KCNIP1: variants seen among roughly 807,000 people sequenced by gnomAD.
KCNIP1 encodes the protein potassium voltage-gated channel interacting protein 1.
KCNIP1 carries 18 observed loss-of-function variants against 33.0 expected under a neutral mutation model. The observed-to-expected ratio is 0.55, with a 90% confidence interval of 0.38 to 0.81. KCNIP1 has a LOEUF of 0.81. Among genes scored for constraint, KCNIP1 ranks in the 30% least tolerant of loss-of-function variants. KCNIP1 has a pLI of 0.00. For synonymous variants in KCNIP1, 93 were observed against 98.3 expected (o/e 0.95, Z 0.32); for missense variants, 238 against 271.6 (o/e 0.88, Z 0.87).
intron 1 of KCNIP1, among the ~76,000 whole-genome samples, chr5:170,381,979 C>G (rs761057704): frequency 4.6e-5 from 7 of 152,108 alleles, no homozygotes; most frequent in Non-Finnish European, 1.0e-4. Context: ...CCCAGACCCA[C>G]TTCTCATTGA....
intron 1 of KCNIP1, among the ~76,000 whole-genome samples, chr5:170,540,472 G>A (rs1377536280): frequency 2.0e-5 from 3 of 152,180 alleles, no homozygotes; most frequent in Non-Finnish European, 4.4e-5. Flanking sequence ...TGTGGATCTT[G>A]GGGACAATAA....
chr5:170,407,654 GC>G (rs1192305816), intron 1 of KCNIP1, among the ~76,000 whole-genome samples: 1 of 152,178 alleles, frequency 6.6e-6, no homozygotes, highest in East Asian at 1.9e-4. Flanking sequence ...TTTAGGATCT[GC>G]CTTGTGTTGT....
Position 170,515,301 on chromosome 5 carries a change from T to A in KCNIP1, c.61+10668T>A, listed in dbSNP as rs1755080346. Among the ~76,000 whole-genome samples the A allele has an allele frequency of 3.3e-5, 5 of 152,226 alleles. No individual in the cohort carries two copies. The South Asian group carries it at 1.0e-3, about 32-fold the overall frequency. ...CTCAGGGACCCTCTGTCATTCCCGA[T>A]TGCCTATTGCATCTGTTCTCACCTG... is the stretch of plus-strand genomic sequence containing the variant. On this transcript the variant is annotated intron_variant, in intron 1 of 7. Coordinates refer to ENST00000328939, the MANE Select transcript of KCNIP1 (RefSeq NM_014592.4).
chr5:170,613,114 G>A (rs1048569984), intron 1 of KCNIP1, among the ~76,000 whole-genome samples: 5 of 152,156 alleles, frequency 3.3e-5, no homozygotes, highest in African/African-American at 9.7e-5. Flanking sequence ...CTTCCACCCT[G>A]TCTCCACCTG....
chr5:170,372,072 G>T (rs1292701364), intron 1 of KCNIP1, among the ~76,000 whole-genome samples: 1 of 151,958 alleles, frequency 6.6e-6, no homozygotes, highest in African/African-American at 2.4e-5. Flanking sequence ...CCACCAATAG[G>T]GTGTCCTGAC....
Position 170,704,106 on chromosome 5 carries a change from G to A in KCNIP1, c.62-14652G>A, listed in dbSNP as rs1188742806. 1.5e-5 allele frequency among the ~76,000 whole-genome samples: 2 copies of A among 136,734 alleles called. 1 individual carries two copies. The highest frequency in any genetic ancestry group is 1.6e-4 in the Admixed American group (2 of 12,398). 89.7% of individuals were successfully genotyped at this position (136,734 alleles called of 152,430 possible). A position where few individuals can be genotyped will look rare whatever the true frequency, so the allele number is the denominator to read the frequency against. ...GATGGCACTTACGCCATGTTTTAAG[G>A]GTGGATAGGATTAGTGCCAGATGAT... is the stretch of plus-strand genomic sequence containing the variant. On this transcript the variant is annotated intron_variant, in intron 1 of 7. Coordinates refer to ENST00000328939, the MANE Select transcript of KCNIP1 (RefSeq NM_014592.4).
intron 1 of KCNIP1, among the ~76,000 whole-genome samples, chr5:170,696,683 C>T (rs1762906625): frequency 6.6e-6 from 1 of 152,090 alleles, no homozygotes; most frequent in Non-Finnish European, 1.5e-5. Flanking sequence ...CCCCTTCAGG[C>T]ATCTGACATG....
At chr5:170,456,538 G>C (rs540764984) in intron 1 of KCNIP1, among the ~76,000 whole-genome samples, 26 of 151,926 alleles carry the variant, frequency 1.7e-4, no homozygotes, top group South Asian at 1.0e-3. Flanking sequence ...TAAGACGCTA[G>C]GGGAAAAGCA....
At chr5:170,726,591 T>A (rs1275730719) in intron 5 of KCNIP1, among the ~76,000 whole-genome samples, 3 of 151,900 alleles carry the variant, frequency 2.0e-5, no homozygotes, top group Non-Finnish European at 4.4e-5. Flanking sequence ...AGCACACACT[T>A]AACATACAAC....
At chr5:170,480,655 G>A (rs1310805826) in intron 1 of KCNIP1, among the ~76,000 whole-genome samples, 1 of 151,876 alleles carries the variant, frequency 6.6e-6, no homozygotes, top group Non-Finnish European at 1.5e-5. Flanking sequence ...TATTTCACAG[G>A]CTGGTCTCAA....
At chr5:170,503,393 C>CAA (rs10628243), upstream of KCNIP1, among the ~76,000 whole-genome samples, 57,563 of 111,984 alleles carry the variant, frequency 0.51, 14,360 homozygotes, top group East Asian at 0.77. Context: ...GACTCCGTCT[C>CAA]AAAAAAAAAA....
At chr5:170,585,005 C>T (rs1757935819) in intron 1 of KCNIP1, among the ~76,000 whole-genome samples, 1 of 152,078 alleles carries the variant, frequency 6.6e-6, no homozygotes, top group Non-Finnish European at 1.5e-5. Flanking sequence ...CCATGTAACC[C>T]CTAACAGCCC....
At chr5:170,536,595 T>C (rs1363027575) in intron 1 of KCNIP1, among the ~76,000 whole-genome samples, 3 of 152,124 alleles carry the variant, frequency 2.0e-5, no homozygotes, top group Non-Finnish European at 4.4e-5. Flanking sequence ...CAGGTCTCAG[T>C]GGGCCAAGGT....
chr5:170,438,086 T>C (rs1424594664), intron 1 of KCNIP1, among the ~76,000 whole-genome samples: 5 of 151,950 alleles, frequency 3.3e-5, no homozygotes, highest in African/African-American at 1.2e-4. Flanking sequence ...ACTGGCTTTA[T>C]CGAGAGGCTC....
intron 1 of KCNIP1, among the ~76,000 whole-genome samples, chr5:170,601,528 C>T (rs1758687448): frequency 6.6e-6 from 1 of 152,088 alleles, no homozygotes; most frequent in Non-Finnish European, 1.5e-5. Flanking sequence ...TTTTTAATCC[C>T]AATAGGACAC....
intron 1 of KCNIP1, among the ~76,000 whole-genome samples, chr5:170,368,342 G>A (rs1467722143): frequency 6.6e-6 from 1 of 152,118 alleles, no homozygotes; most frequent in East Asian, 1.9e-4. Context: ...TCAGCTCACT[G>A]CAACCTCTGC....
chr5:170,669,290 T>A (rs1044655379), intron 1 of KCNIP1, among the ~76,000 whole-genome samples: 1 of 152,244 alleles, frequency 6.6e-6, no homozygotes, highest in African/African-American at 2.4e-5. Context: ...CAAATCTCTC[T>A]GGACCTCAGT....
chr5:170,591,388 G>GAGA (rs386405662), intron 1 of KCNIP1, among the ~76,000 whole-genome samples: 4 of 151,764 alleles, frequency 2.6e-5, no homozygotes, highest in African/African-American at 9.7e-5. Flanking sequence ...GGAAAGAAAG[G>GAGA]AGAGTGAATT....
At chr5:170,716,791 T>G (rs986216698) in intron 1 of KCNIP1, among the ~76,000 whole-genome samples, 5 of 152,188 alleles carry the variant, frequency 3.3e-5, no homozygotes, top group Non-Finnish European at 5.9e-5. Flanking sequence ...CAAAGAAATT[T>G]CCCGAGCTTG....
Sources: allele counts gnomAD v4.1 joint callset (sites outside exome capture counted in the v4.1 genomes callset), GRCh38; gene constraint gnomAD v4.1.1; transcripts MANE v1.5; gene names NCBI Gene and HGNC (gene_info 2026-07-23, HGNC 2026-07-21).